Variants in CDYL2 observed in about 807,000 individuals in gnomAD.
The protein encoded by CDYL2 is chromodomain Y like 2, also known as chromodomain Y-like protein 2.
CDYL2 carries 23 observed loss-of-function variants against 49.4 expected under a neutral mutation model. That is an observed-to-expected ratio of 0.47 (90% confidence interval 0.34 to 0.66). CDYL2 has a LOEUF of 0.66. Among genes scored for constraint, CDYL2 ranks in the 30% least tolerant of loss-of-function variants. The pLI, the probability that CDYL2 is intolerant of heterozygous loss-of-function variation, is 0.01. For missense variants in CDYL2, 678 were observed against 656.4 expected (o/e 1.03, Z -0.36); for synonymous variants, 360 against 268.8 (o/e 1.34, Z -3.32).
intron 1 of CDYL2, among the ~76,000 whole-genome samples, chr16:80,803,040 G>A (rs1207236601): frequency 2.6e-5 from 4 of 152,224 alleles, no homozygotes; most frequent in African/African-American, 9.6e-5. Context: ...AGGCCCTCTG[G>A]TTGAAGATGG....
At chr16:80,661,610 C>T (rs1476892035) in intron 2 of CDYL2, among the ~76,000 whole-genome samples, 4 of 152,164 alleles carry the variant, frequency 2.6e-5, no homozygotes, top group African/African-American at 9.7e-5. Flanking sequence ...TGGATTCGAG[C>T]ATCAAGACAC....
rs1026644593 is a variant in CDYL2 at position 80,705,297 on chromosome 16, C to T, written c.25-20168G>A. On this transcript the variant is annotated intron_variant, in intron 1 of 6. Transcript: ENST00000570137. ...CCTCAGGGTCAGGTGGCTGGGAAAGCGGGCAGGGAGATTCCTGTCTTCACT... is the reference window on the plus strand; with the variant it reads ...CCTCAGGGTCAGGTGGCTGGGAAAGTGGGCAGGGAGATTCCTGTCTTCACT... Among the ~76,000 whole-genome samples the T allele has an allele frequency of 4.6e-5, 7 of 152,224 alleles. No homozygotes were observed. The East Asian group carries it at 5.8e-4, about 13-fold the overall frequency.
intron 1 of CDYL2, among the ~76,000 whole-genome samples, chr16:80,749,392 C>T (rs1345205823): frequency 6.6e-6 from 1 of 152,114 alleles, no homozygotes; most frequent in Non-Finnish European, 1.5e-5. Context: ...TTCATATATG[C>T]CTGGAATATT....
intron 1 of CDYL2, among the ~76,000 whole-genome samples, chr16:80,693,090 T>C (rs1344873943): frequency 1.5e-5 from 2 of 136,140 alleles, no homozygotes; most frequent in Admixed American, 8.8e-5. Context: ...AACTCATCTA[T>C]AGTGATCGAA....
chr16:80,783,724 C>T (rs1260126216), intron 1 of CDYL2, among the ~76,000 whole-genome samples: 1 of 152,160 alleles, frequency 6.6e-6, no homozygotes, highest in African/African-American at 2.4e-5. Flanking sequence ...GTAATGCATG[C>T]TAAAACATGG....
chr16:80,630,069 TG>T (rs1432718649), intron 3 of CDYL2, among the ~76,000 whole-genome samples: 2 of 152,242 alleles, frequency 1.3e-5, no homozygotes, highest in Non-Finnish European at 2.9e-5. Flanking sequence ...GACTAAAACC[TG>T]TATTCCTCCT....
Position 80,656,138 on chromosome 16 carries a change from G to A in CDYL2, c.617-22902C>T, listed in dbSNP as rs531723676. Among the ~76,000 whole-genome samples, 75 of 152,290 alleles carry A rather than the reference G, an allele frequency of 4.9e-4. 2 individuals are homozygous for A. The South Asian group carries it at 0.014, about 29-fold the overall frequency. On this transcript the variant is annotated intron_variant, in intron 2 of 6. Transcript: ENST00000570137. ...TAGGGGCTAAAAGTACCTACTCTTC[G>A]GGCTGTTTTGAACTCAATCAATTAA...
intron 1 of CDYL2, among the ~76,000 whole-genome samples, chr16:80,730,264 G>GTCC (rs1403964472): frequency 6.6e-6 from 1 of 152,140 alleles, no homozygotes; most frequent in Non-Finnish European, 1.5e-5. Flanking sequence ...AAATGATAAA[G>GTCC]GGGATATCAC....
chr16:80,675,324 C>T (rs1180391132), intron 2 of CDYL2, among the ~76,000 whole-genome samples: 1 of 152,238 alleles, frequency 6.6e-6, no homozygotes, highest in Non-Finnish European at 1.5e-5. Flanking sequence ...GCTTCCCCAT[C>T]TATAAACAAG....
At chr16:80,683,334 G>A (rs1217337801) in intron 2 of CDYL2, among the ~76,000 whole-genome samples, 2 of 152,222 alleles carry the variant, frequency 1.3e-5, no homozygotes, top group Non-Finnish European at 2.9e-5. Flanking sequence ...TGAGAAGTGA[G>A]GGACTGCACA....
intron 3 of CDYL2, among the ~76,000 whole-genome samples, chr16:80,629,124 G>A (rs913414193): frequency 3.3e-5 from 5 of 152,214 alleles, no homozygotes; most frequent in African/African-American, 9.7e-5. Context: ...GGTTCTGACT[G>A]TCAGCCAGGG....
intron 1 of CDYL2, among the ~76,000 whole-genome samples, chr16:80,761,602 C>G (rs1299040648): frequency 6.6e-6 from 1 of 152,110 alleles, no homozygotes; most frequent in Admixed American, 6.5e-5. Context: ...TCATCCTTTG[C>G]AATTGTTGAA....
chr16:80,757,546 A>AT (rs1451097675), intron 1 of CDYL2, among the ~76,000 whole-genome samples: 3 of 148,396 alleles, frequency 2.0e-5, no homozygotes, highest in African/African-American at 7.6e-5. Flanking sequence ...CTCAAAAAAA[A>AT]AAAAAAAATA....
intron 2 of CDYL2, among the ~76,000 whole-genome samples, chr16:80,681,723 T>C (rs1597169876): frequency 1.3e-5 from 2 of 152,156 alleles, no homozygotes; most frequent in South Asian, 4.2e-4. Flanking sequence ...GCCATGCACA[T>C]GTATGTAATA....
chr16:80,763,382 GGGCA>G (rs1424353931), intron 1 of CDYL2, among the ~76,000 whole-genome samples: 1 of 2,916 alleles, frequency 3.4e-4, no homozygotes, highest in Admixed American at 5.3e-3. Context: ...AGGCCGAGGC[GGGCA>G]GATCACTTGA....
chr16:80,744,754 T>G (rs1369051945), intron 1 of CDYL2, among the ~76,000 whole-genome samples: 1 of 152,178 alleles, frequency 6.6e-6, no homozygotes. Context: ...AGGAATTTTC[T>G]GGTCAAGCTC....
chr16:80,657,974 A>C (rs1312858493), intron 2 of CDYL2, among the ~76,000 whole-genome samples: 1 of 152,174 alleles, frequency 6.6e-6, no homozygotes, highest in Admixed American at 6.5e-5. Context: ...CTAAAAAAGA[A>C]AGAGCTATCT....
chr16:80,702,694 G>A (rs1453785962), intron 1 of CDYL2, among the ~76,000 whole-genome samples: 2 of 152,172 alleles, frequency 1.3e-5, no homozygotes, highest in East Asian at 3.9e-4. Context: ...AGGTTGCAGT[G>A]GGCTATGATC....
intron 1 of CDYL2, among the ~76,000 whole-genome samples, chr16:80,764,059 AC>A (rs2142386343): frequency 6.6e-6 from 1 of 152,334 alleles, no homozygotes; most frequent in East Asian, 1.9e-4. Flanking sequence ...AAAGGACAAG[AC>A]AAAAAAAGTC....
Sources: gnomAD v4.1 joint callset for allele counts (sites outside exome capture counted in the v4.1 genomes callset) on GRCh38, gnomAD v4.1.1 for gene constraint, MANE v1.5 for transcripts, NCBI Gene and HGNC (gene_info 2026-07-23, HGNC 2026-07-21) for gene names.